The following NTAQ1 variants were observed in gnomAD, a reference collection of about 807,000 sequenced individuals.
NTAQ1 encodes N-terminal glutamine amidase 1.
A neutral mutation model predicts 28.2 loss-of-function variants in NTAQ1; 21 were observed. That is an observed-to-expected ratio of 0.74 (90% CI 0.53 to 1.07). The LOEUF is 1.07. Ranked by LOEUF, NTAQ1 falls within the 50% of genes least tolerant of loss-of-function variation. NTAQ1 has a pLI of 0.00. For synonymous variants in NTAQ1, 105 were observed against 90.0 expected (o/e 1.17, Z -0.94); for missense variants, 264 against 256.6 (o/e 1.03, Z -0.20).
In NTAQ1 at chr8:123,441,798, C is replaced by A. The variant is rs1390094517; in HGVS notation, c.*383C>A. ...GTTCCTTGAGGGCAGGGCCATGGCCCATTGCTCTGTGAATCTCAAATGCCC... is the reference window on the plus strand; with the variant it reads ...GTTCCTTGAGGGCAGGGCCATGGCCAATTGCTCTGTGAATCTCAAATGCCC... On this transcript the variant is annotated 3_prime_UTR_variant, in exon 6 of 6. Transcript: ENST00000287387. 7 of 183,340 alleles carry A rather than the reference C, an allele frequency of 3.8e-5. No homozygotes were observed. The highest frequency in any genetic ancestry group is 2.3e-5 in the Non-Finnish European group (2 of 86,652). 11.4% of individuals were successfully genotyped at this position (183,340 alleles called of 1,614,324 possible). A position where few individuals can be genotyped will look rare whatever the true frequency, so the allele number is the denominator to read the frequency against.
chr8:123,439,180 TTTTC>T (rs1277264403), intron 5 of NTAQ1, among the ~76,000 whole-genome samples: 1 of 152,042 alleles, frequency 6.6e-6, no homozygotes, highest in African/African-American at 2.4e-5. Context: ...GCCAGCCCAA[TTTTC>T]TTTCTTTCTT....
downstream of NTAQ1, among the ~76,000 whole-genome samples, chr8:123,452,833 G>A (rs1227130072): frequency 6.6e-6 from 1 of 152,148 alleles, no homozygotes; most frequent in East Asian, 1.9e-4. Context: ...CTTGAACCCG[G>A]GAGGTGGAGA....
chr8:123,440,609 C>T (rs558009231), intron 5 of NTAQ1, among the ~76,000 whole-genome samples: 90 of 151,638 alleles, frequency 5.9e-4, no homozygotes, highest in African/African-American at 2.2e-3. Context: ...AAGCAATTCT[C>T]CTGTCTCAGC....
chr8:123,459,259 G>A (rs967309870), intron 6 of NTAQ1, among the ~76,000 whole-genome samples: 3 of 151,386 alleles, frequency 2.0e-5, no homozygotes, highest in African/African-American at 7.3e-5. Flanking sequence ...AAAAAAAAAA[G>A]ATGTAGATGA....
rs568642445 is a variant in NTAQ1 at position 123,421,577 on chromosome 8, C to T, written c.83+4645C>T. ...AGGGTGGAGTGCAGTGGCTCGATCT[C>T]GGCTCACTGCAACCTCTGCCTCCCA... On this transcript the variant is annotated intron_variant, in intron 1 of 5. Coordinates refer to ENST00000287387, the MANE Select transcript of NTAQ1 (RefSeq NM_018024.3). Among the ~76,000 whole-genome samples, 852 of 142,616 alleles carry T rather than the reference C, an allele frequency of 6.0e-3. 12 individuals are homozygous for T. Among genetic ancestry groups the T allele is most frequent in the African/African-American group, 0.021 (815 of 38,302 alleles). 93.6% of individuals were successfully genotyped at this position (142,616 alleles called of 152,430 possible).
intron 6 of NTAQ1, among the ~76,000 whole-genome samples, chr8:123,465,110 G>C (rs1815929936): frequency 6.6e-6 from 1 of 152,076 alleles, no homozygotes; most frequent in East Asian, 1.9e-4. Flanking sequence ...CTTTTATTTT[G>C]AACGAATTTA....
intron 6 of NTAQ1, among the ~76,000 whole-genome samples, chr8:123,459,667 G>A (rs1300715607): frequency 1.3e-5 from 2 of 152,122 alleles, no homozygotes; most frequent in Non-Finnish European, 2.9e-5. Context: ...TAAGAGCTCT[G>A]TCTCAGGTAC....
chr8:123,470,020 A>G (rs1816026187), exon 7 of NTAQ1, among the ~76,000 whole-genome samples: 1 of 152,204 alleles, frequency 6.6e-6, no homozygotes, highest in African/African-American at 2.4e-5. Flanking sequence ...GATATAAATG[A>G]GGTCATGAAG....
chr8:123,437,227 G>C lies in NTAQ1; in HGVS notation c.401G>C (p.Arg134Pro), dbSNP rs752079595. 1 of 1,613,942 alleles carries C rather than the reference G, an allele frequency of 6.2e-7. No individual in the cohort carries two copies. Among genetic ancestry groups the C allele is most frequent in the African/African-American group, 1.3e-5 (1 of 74,902 alleles). ...PQFRRKFRVI[R>P]ADSYLKNFAS... ...TTCTGCAGGAAATTTAGAGTGATCC[G>C]TGCAGATTCATATTTGAAGAACTTT... The change falls in exon 5 of 6, where the codon CGT becomes CCT. Residue 134 changes from arginine (R) to proline (P), a missense_variant. Coordinates refer to ENST00000287387, the MANE Select transcript of NTAQ1 (RefSeq NM_018024.3).
intron 5 of NTAQ1, among the ~76,000 whole-genome samples, chr8:123,437,926 C>T (rs1159536149): frequency 6.6e-6 from 1 of 152,092 alleles, no homozygotes; most frequent in East Asian, 1.9e-4. Context: ...GGACACTGAA[C>T]ATCAGGATAC....
At chr8:123,429,879 C>CAAAA (rs71310685) in intron 2 of NTAQ1, 104 bp from the exon 3 acceptor site, 315 of 337,070 alleles carry the variant, frequency 9.3e-4, no homozygotes, top group South Asian at 1.9e-3. Flanking sequence ...GACTCTGTCT[C>CAAAA]AAAAAAAAAA....
chr8:123,443,553 G>C (rs534450836), downstream of NTAQ1, among the ~76,000 whole-genome samples: 9 of 152,298 alleles, frequency 5.9e-5, 1 homozygote, highest in South Asian at 1.9e-3. Flanking sequence ...CTCTGTATCA[G>C]ATTGATCTGT....
intron 1 of NTAQ1, among the ~76,000 whole-genome samples, chr8:123,425,194 C>A (rs536430104): frequency 6.6e-6 from 1 of 152,004 alleles, no homozygotes; most frequent in Non-Finnish European, 1.5e-5. Flanking sequence ...TGGTTTCAAG[C>A]GATTCTCCTG....
intron 1 of NTAQ1, among the ~76,000 whole-genome samples, chr8:123,422,366 C>T (rs1813752732): frequency 6.6e-6 from 1 of 151,634 alleles, no homozygotes; most frequent in Non-Finnish European, 1.5e-5. Context: ...GACTTGACCT[C>T]CCAGGCTCAA....
At chr8:123,463,954 G>A (rs1243769336) in intron 6 of NTAQ1, among the ~76,000 whole-genome samples, 1 of 152,166 alleles carries the variant, frequency 6.6e-6, no homozygotes, top group African/African-American at 2.4e-5. Context: ...TCTCATGATA[G>A]TGAATACATC....
chr8:123,420,562 C>G (rs1813615473), intron 1 of NTAQ1, among the ~76,000 whole-genome samples: 1 of 149,762 alleles, frequency 6.7e-6, no homozygotes, highest in African/African-American at 2.4e-5. Flanking sequence ...TTTTCTCCAC[C>G]AACTTGCCAG....
rs1204950745 is a variant in NTAQ1 at position 123,441,681 on chromosome 8, A to G, written c.*266A>G. On this transcript the variant is annotated 3_prime_UTR_variant, in exon 6 of 6. Transcript: ENST00000287387. ...GCGTTACAACACGAGGACTTAAGCC[A>G]GTAATCGTTTTTGTTCAGATAGAGG... The G allele has an allele frequency of 4.7e-6, 2 of 427,144 alleles. No individual in the cohort carries two copies. Among genetic ancestry groups the G allele is most frequent in the Non-Finnish European group, 8.6e-6 (2 of 233,686 alleles). 26.5% of individuals were successfully genotyped at this position (427,144 alleles called of 1,614,324 possible). A position where few individuals can be genotyped will look rare whatever the true frequency, so the allele number is the denominator to read the frequency against.
At chr8:123,426,705 A>G (rs1305461887) in intron 1 of NTAQ1, among the ~76,000 whole-genome samples, 2 of 152,050 alleles carry the variant, frequency 1.3e-5, no homozygotes, top group African/African-American at 4.8e-5. Context: ...TCACTCTGTA[A>G]TCCCAGCACT....
At chr8:123,442,646 C>A (rs1023282463), downstream of NTAQ1, among the ~76,000 whole-genome samples, 12 of 151,166 alleles carry the variant, frequency 7.9e-5, no homozygotes, top group Admixed American at 5.3e-4. Context: ...AATCCTCCAC[C>A]TTATGGAGGG....
Sources: allele counts gnomAD v4.1 joint callset (sites outside exome capture counted in the v4.1 genomes callset), GRCh38; gene constraint gnomAD v4.1.1; transcripts MANE v1.5; gene names NCBI Gene and HGNC (gene_info 2026-07-23, HGNC 2026-07-21).